The following PCDH9 variants were observed in gnomAD, a reference collection of about 807,000 sequenced individuals.
The protein encoded by PCDH9 is protocadherin 9.
Under a neutral mutation model 70.6 loss-of-function variants are expected in PCDH9, and 24 were observed. The observed-to-expected ratio is 0.34, with a 90% CI of 0.25 to 0.48. The LOEUF is 0.48. Ranked by LOEUF, PCDH9 falls within the 20% of genes least tolerant of loss-of-function variation. The probability of loss-of-function intolerance (pLI) is 0.99; values close to 1 mark genes in which losing one functional copy is unlikely to be tolerated. For missense variants in PCDH9, 1,281 were observed against 1,503.6 expected (o/e 0.85, Z 2.45); for synonymous variants, 562 against 558.5 (o/e 1.01, Z -0.09).
At position 66,594,437 on chromosome 13, in the gene PCDH9, C is replaced by T. The variant is rs571682783; in HGVS notation, c.3340+36773G>A. 2.6e-5 allele frequency among the ~76,000 whole-genome samples: 4 copies of T among 151,192 alleles called. No homozygotes were observed. In the South Asian group the frequency reaches 8.4e-4, roughly 32 times the overall value. ...CCCAGATTATAATTGACTATGATAG[C>T]CAAAATTAAGGTAACATCAGGTTAC... On this transcript the variant is annotated intron_variant, in intron 4 of 4. Transcript: ENST00000377865.
intron 2 of PCDH9, among the ~76,000 whole-genome samples, chr13:67,020,649 C>T (rs982897759): frequency 3.3e-5 from 5 of 151,908 alleles, no homozygotes; most frequent in Admixed American, 1.3e-4. Context: ...CAAATCCCTG[C>T]GGGGAAAAAA....
At chr13:66,476,083 T>A (rs1958722343) in intron 4 of PCDH9, among the ~76,000 whole-genome samples, 1 of 152,092 alleles carries the variant, frequency 6.6e-6, no homozygotes, top group African/African-American at 2.4e-5. Context: ...ACTCTCTCTA[T>A]CTTTAAAGGT....
chr13:67,228,860 T>A (rs2089945654), intron 1 of PCDH9, among the ~76,000 whole-genome samples: 1 of 152,206 alleles, frequency 6.6e-6, no homozygotes, highest in East Asian at 1.9e-4. Flanking sequence ...CATGCATTCT[T>A]GTTCTCCTCT....
chr13:66,968,888 T>C (rs1391214921), intron 2 of PCDH9, among the ~76,000 whole-genome samples: 1 of 152,020 alleles, frequency 6.6e-6, no homozygotes, highest in African/African-American at 2.4e-5. Context: ...AAAATATGAA[T>C]GACTGAATAT....
At chr13:66,596,540 T>G (rs1372840064) in intron 4 of PCDH9, among the ~76,000 whole-genome samples, 1 of 151,704 alleles carries the variant, frequency 6.6e-6, no homozygotes, top group Admixed American at 6.6e-5. Flanking sequence ...TTACACATAT[T>G]GCTAGACATT....
At chr13:66,833,378 A>G (rs561675380) in intron 3 of PCDH9, among the ~76,000 whole-genome samples, 44 of 152,142 alleles carry the variant, frequency 2.9e-4, no homozygotes, top group African/African-American at 8.9e-4. Flanking sequence ...GCTTGTTTTC[A>G]GTCTGACATG....
At chr13:66,511,348 G>T (rs1423954789) in intron 4 of PCDH9, among the ~76,000 whole-genome samples, 1 of 152,034 alleles carries the variant, frequency 6.6e-6, no homozygotes, top group African/African-American at 2.4e-5. Flanking sequence ...TGCACATTCT[G>T]GGGCATGTTA....
chr13:66,392,721 C>G (rs1419063089), intron 4 of PCDH9, among the ~76,000 whole-genome samples: 1 of 152,082 alleles, frequency 6.6e-6, no homozygotes, highest in African/African-American at 2.4e-5. Flanking sequence ...AAGTAGCCAG[C>G]ACCACTTTAG....
At chr13:66,605,485 A>G (rs2077211728) in intron 4 of PCDH9, among the ~76,000 whole-genome samples, 1 of 152,124 alleles carries the variant, frequency 6.6e-6, no homozygotes, top group Non-Finnish European at 1.5e-5. Context: ...AAAGGCAAAC[A>G]TGATTTTTAT....
chr13:67,198,952 G>T (rs1294492798), intron 2 of PCDH9, among the ~76,000 whole-genome samples: 1 of 151,468 alleles, frequency 6.6e-6, no homozygotes, highest in African/African-American at 2.4e-5. Context: ...AATTTCAAAA[G>T]CTATTTCTAT....
intron 2 of PCDH9, among the ~76,000 whole-genome samples, chr13:67,140,125 C>T (rs897871088): frequency 4.2e-5 from 6 of 142,944 alleles, no homozygotes; most frequent in African/African-American, 1.3e-4. Flanking sequence ...CTAGCATCAG[C>T]GGCTACTTAT....
chr13:67,010,340 A>G (rs1363403727), intron 2 of PCDH9, among the ~76,000 whole-genome samples: 1 of 151,984 alleles, frequency 6.6e-6, no homozygotes, highest in South Asian at 2.1e-4. Flanking sequence ...GTAAATTAGC[A>G]GCTGTAATCC....
At chr13:66,524,738 T>C (rs747400331) in intron 4 of PCDH9, among the ~76,000 whole-genome samples, 42 of 152,212 alleles carry the variant, frequency 2.8e-4, no homozygotes, top group Non-Finnish European at 6.0e-4. Context: ...AAGGTAGTTA[T>C]ATTAGCTTTC....
At chr13:66,367,447 A>G (rs1162372104) in intron 4 of PCDH9, among the ~76,000 whole-genome samples, 3 of 152,184 alleles carry the variant, frequency 2.0e-5, no homozygotes, top group Non-Finnish European at 4.4e-5. Context: ...AGTTCTAACT[A>G]TTGTGCTGAA....
chr13:66,557,854 AC>A (rs1188529000), intron 4 of PCDH9, among the ~76,000 whole-genome samples: 4 of 152,182 alleles, frequency 2.6e-5, no homozygotes, highest in African/African-American at 9.7e-5. Flanking sequence ...CGCATTAGAG[AC>A]AAAGAAGAGA....
At chr13:66,718,543 C>T (rs1386042521) in intron 3 of PCDH9, among the ~76,000 whole-genome samples, 4 of 151,930 alleles carry the variant, frequency 2.6e-5, no homozygotes, top group Admixed American at 1.3e-4. Context: ...AAAGACAAAA[C>T]ATGTTTCTAT....
rs756519876 is a variant in PCDH9, at chr13:67,226,563, G to C, written c.1878C>G (p.Val626=). The C allele has an allele frequency of 1.2e-5, 19 of 1,613,488 alleles. No individual in the cohort carries two copies. Among genetic ancestry groups the C allele is most frequent in the Non-Finnish European group, 1.4e-5 (17 of 1,179,608 alleles). The change falls in exon 2 of 5, where the codon GTC becomes GTG. Residue 626 remains valine, a synonymous_variant. Coordinates refer to ENST00000377865, the MANE Select transcript of PCDH9 (RefSeq NM_203487.3). This position sits in a 1 kb window ranked among gnomAD's most constrained non-coding sequence, Gnocchi z 5.0. ...TATCAAATGAGACATTTGACTTTAT[G>C]ACTCCAGAATAGGGATCCAACACAA... ...DNFVLDPYSG[V]IKSNVSFDRE...
intron 4 of PCDH9, among the ~76,000 whole-genome samples, chr13:66,477,972 C>T (rs1470968241): frequency 6.6e-6 from 1 of 152,132 alleles, no homozygotes; most frequent in Admixed American, 6.6e-5. Flanking sequence ...TTCCCAGATG[C>T]TACATTTTTT....
intron 4 of PCDH9, among the ~76,000 whole-genome samples, chr13:66,464,871 T>C (rs1958490142): frequency 1.3e-5 from 2 of 151,984 alleles, no homozygotes; most frequent in Non-Finnish European, 2.9e-5. Context: ...TTCTATTTCA[T>C]GTGAAATAAT....
Sources: gnomAD v4.1 joint callset for allele counts (sites outside exome capture counted in the v4.1 genomes callset) on GRCh38, gnomAD v4.1.1 for gene constraint, Gnocchi (gnomAD v3.1) non-coding constraint, MANE v1.5 for transcripts, NCBI Gene and HGNC (gene_info 2026-07-23, HGNC 2026-07-21) for gene names.